Variants in FKBP5 observed in about 807,000 individuals in gnomAD.
FKBP5 encodes peptidyl-prolyl cis-trans isomerase FKBP5.
In FKBP5, 23 loss-of-function variants were observed where a neutral mutation model predicts 50.5. The ratio of observed to expected loss-of-function variants is 0.46; its 90% CI spans 0.33 to 0.65. FKBP5 has a LOEUF of 0.65. FKBP5 is among the 30% of genes least tolerant of loss of function. The pLI is 0.02. For missense variants in FKBP5, 411 were observed against 553.1 expected (o/e 0.74, Z 2.58); for synonymous variants, 176 against 190.6 (o/e 0.92, Z 0.63).
chr6:35,611,210 C>T (rs974840837), intron 5 of FKBP5, among the ~76,000 whole-genome samples: 2 of 152,166 alleles, frequency 1.3e-5, no homozygotes, highest in African/African-American at 4.8e-5. Flanking sequence ...CTCTTACATT[C>T]CTCTCCTTTC....
At chr6:35,713,556 A>C (rs900739313) in intron 2 of FKBP5, among the ~76,000 whole-genome samples, 1 of 152,158 alleles carries the variant, frequency 6.6e-6, no homozygotes, top group African/African-American at 2.4e-5. Flanking sequence ...CAGCTGTGAC[A>C]TATGCTCTAA....
chr6:35,727,227 C>G (rs971292177), intron 1 of FKBP5, among the ~76,000 whole-genome samples: 1 of 152,184 alleles, frequency 6.6e-6, no homozygotes, highest in Non-Finnish European at 1.5e-5. Flanking sequence ...ACAGAGCCTT[C>G]CACACGGTAA....
chr6:35,617,669 T>A (rs977459532), intron 5 of FKBP5, among the ~76,000 whole-genome samples: 13 of 152,020 alleles, frequency 8.6e-5, no homozygotes, highest in African/African-American at 3.1e-4. Flanking sequence ...GCAGAAAGCC[T>A]TTACTGAACA....
chr6:35,644,280 G>A (rs1050565256), intron 1 of FKBP5, among the ~76,000 whole-genome samples: 12 of 152,128 alleles, frequency 7.9e-5, no homozygotes, highest in African/African-American at 2.9e-4. Flanking sequence ...AATCAAGAAG[G>A]AATCACTCCT....
At chr6:35,595,417 T>C (rs953292057) in intron 6 of FKBP5, among the ~76,000 whole-genome samples, 5 of 152,080 alleles carry the variant, frequency 3.3e-5, no homozygotes, top group Non-Finnish European at 7.4e-5. Flanking sequence ...CCTCTCTGAG[T>C]TTAGAACTAC....
intron 1 of FKBP5, chr6:35,720,661 C>T (rs1766596553): frequency 6.6e-6 from 1 of 152,270 alleles, no homozygotes; most frequent in Non-Finnish European, 1.5e-5. Context: ...CTCTCTCCTC[C>T]CACTACTCCC....
At chr6:35,724,319 C>T (rs528874245) in intron 1 of FKBP5, among the ~76,000 whole-genome samples, 4 of 152,272 alleles carry the variant, frequency 2.6e-5, no homozygotes, top group East Asian at 1.9e-4. Context: ...AAGAGACACA[C>T]GGAGCCCACA....
chr6:35,626,708 T>A (rs1764008309), intron 3 of FKBP5, among the ~76,000 whole-genome samples: 1 of 152,226 alleles, frequency 6.6e-6, no homozygotes. Context: ...TCTGGATAGA[T>A]AACTCATATA....
intron 2 of FKBP5, among the ~76,000 whole-genome samples, chr6:35,710,192 CAT>C (rs1766389879): frequency 6.6e-6 from 1 of 152,166 alleles, no homozygotes; most frequent in Non-Finnish European, 1.5e-5. Flanking sequence ...AAGTGCAAAA[CAT>C]AGGGCTGGGC....
At chr6:35,726,096 C>T (rs1034131654) in intron 1 of FKBP5, among the ~76,000 whole-genome samples, 4 of 152,176 alleles carry the variant, frequency 2.6e-5, no homozygotes, top group Admixed American at 1.3e-4. Context: ...AGGTGACACC[C>T]GGAAAGGCGG....
At chr6:35,647,695 A>G (rs941824757) in intron 1 of FKBP5, among the ~76,000 whole-genome samples, 2 of 152,238 alleles carry the variant, frequency 1.3e-5, no homozygotes, top group Non-Finnish European at 2.9e-5. Context: ...TGTTTGGATC[A>G]GTTAGGCCAG....
At chr6:35,590,292 C>A (rs1474081312) in intron 7 of FKBP5, among the ~76,000 whole-genome samples, 7 of 151,490 alleles carry the variant, frequency 4.6e-5, no homozygotes, top group Non-Finnish European at 8.8e-5. Flanking sequence ...AAGAGTGAGA[C>A]CCTATCTCAA....
intron 5 of FKBP5, among the ~76,000 whole-genome samples, chr6:35,614,364 T>C (rs972755725): frequency 6.6e-6 from 1 of 152,160 alleles, no homozygotes; most frequent in South Asian, 2.1e-4. Context: ...TTTGAGTATA[T>C]CGTTTTTTAT....
chr6:35,666,222 C>T (rs964764065), intron 1 of FKBP5, among the ~76,000 whole-genome samples: 5 of 151,596 alleles, frequency 3.3e-5, no homozygotes, highest in African/African-American at 1.2e-4. Context: ...CACTTCATAT[C>T]TTTAGTAAGA....
At chr6:35,632,260 G>A (rs887530854) in intron 3 of FKBP5, among the ~76,000 whole-genome samples, 9 of 152,090 alleles carry the variant, frequency 5.9e-5, no homozygotes, top group Non-Finnish European at 1.3e-4. Context: ...CCCTTAGATT[G>A]ATTCTGTCTT....
chr6:35,685,488 TCTA>T (rs144156194), intron 1 of FKBP5, among the ~76,000 whole-genome samples: 5,396 of 152,222 alleles, frequency 0.035, 302 homozygotes, highest in African/African-American at 0.12. Context: ...AAAAACAAAA[TCTA>T]CTAATCAGCT....
intron 3 of FKBP5, among the ~76,000 whole-genome samples, chr6:35,636,105 A>G (rs919680090): frequency 1.3e-5 from 2 of 152,228 alleles, no homozygotes; most frequent in African/African-American, 4.8e-5. Context: ...GTCACTGAGA[A>G]AATATTCATT....
chr6:35,625,176 T>C (rs540500745), intron 3 of FKBP5, among the ~76,000 whole-genome samples: 4 of 152,206 alleles, frequency 2.6e-5, no homozygotes, highest in South Asian at 4.1e-4. Context: ...CTCTGCCTCC[T>C]GGGTTCAAGC....
At chr6:35,594,342 C>T (rs996514591) in intron 6 of FKBP5, among the ~76,000 whole-genome samples, 2 of 151,546 alleles carry the variant, frequency 1.3e-5, no homozygotes, top group Non-Finnish European at 2.9e-5. Context: ...GACCCTGTCT[C>T]GGGGGGTGGG....
Sources: gnomAD v4.1 joint callset for allele counts (sites outside exome capture counted in the v4.1 genomes callset) on GRCh38, gnomAD v4.1.1 for gene constraint, MANE v1.5 for transcripts, NCBI Gene and HGNC (gene_info 2026-07-23, HGNC 2026-07-21) for gene names.